The following COL21A1 variants were observed in gnomAD, a reference collection of about 807,000 sequenced individuals.
COL21A1 encodes the protein collagen alpha-1(XXI) chain.
In COL21A1, 149 loss-of-function variants were observed where a neutral mutation model predicts 137.9. The observed-to-expected ratio is 1.08, with a 90% CI of 0.95 to 1.24. The LOEUF (loss-of-function observed/expected upper bound fraction) is 1.24. Among genes scored for constraint, COL21A1 ranks in the 50% most tolerant of loss-of-function variants. COL21A1 has a pLI of 0.00. For synonymous variants in COL21A1, 456 were observed against 391.5 expected (o/e 1.16, Z -1.95); for missense variants, 1,167 against 1,158.4 (o/e 1.01, Z -0.11).
chr6:56,105,876 C>T (rs1217558572), intron 16 of COL21A1, among the ~76,000 whole-genome samples: 1 of 152,132 alleles, frequency 6.6e-6, no homozygotes, highest in Non-Finnish European at 1.5e-5. Context: ...AGCTTAAATA[C>T]CACATTTAAT....
chr6:56,121,833 A>G (rs895087018), intron 16 of COL21A1, among the ~76,000 whole-genome samples: 5 of 152,064 alleles, frequency 3.3e-5, no homozygotes, highest in Admixed American at 6.6e-5. Context: ...TTTAAACAAA[A>G]AAAGTAAATA....
At chr6:56,105,344 G>A (rs1770797574) in intron 16 of COL21A1, among the ~76,000 whole-genome samples, 1 of 152,068 alleles carries the variant, frequency 6.6e-6, no homozygotes, top group African/African-American at 2.4e-5. Flanking sequence ...GCACAGAAAG[G>A]GAGATCCACT....
chr6:56,256,635 T>C (rs1040581389), intron 1 of COL21A1, among the ~76,000 whole-genome samples: 4 of 152,084 alleles, frequency 2.6e-5, no homozygotes, highest in Non-Finnish European at 5.9e-5. Context: ...GGGTAAAATA[T>C]AGACTTAAGA....
chr6:56,314,941 A>G (rs979830264), intron 1 of COL21A1, among the ~76,000 whole-genome samples: 2 of 152,194 alleles, frequency 1.3e-5, no homozygotes, highest in Non-Finnish European at 2.9e-5. Context: ...CCTGTAGACA[A>G]GAATCTCTGG....
At chr6:56,320,518 A>AAC (rs55942460) in intron 1 of COL21A1, among the ~76,000 whole-genome samples, 3,947 of 149,572 alleles carry the variant, frequency 0.026, 59 homozygotes, top group African/African-American at 0.037. Context: ...ACACAATCTG[A>AAC]ACACACACAC....
At chr6:56,352,937 A>G (rs1472576276) in intron 1 of COL21A1, among the ~76,000 whole-genome samples, 1 of 152,114 alleles carries the variant, frequency 6.6e-6, no homozygotes, top group East Asian at 1.9e-4. Context: ...GCTACTCGGG[A>G]GGCTGAGGCA....
chr6:56,211,735 G>A (rs761827316), intron 1 of COL21A1, among the ~76,000 whole-genome samples: 3 of 151,834 alleles, frequency 2.0e-5, no homozygotes, highest in Non-Finnish European at 2.9e-5. Flanking sequence ...TATTTCACTG[G>A]GTAAGCCTCT....
At chr6:56,258,900 T>C (rs3846930) in intron 1 of COL21A1, among the ~76,000 whole-genome samples, 135,216 of 152,202 alleles carry the variant, frequency 0.89, 60,198 homozygotes, top group African/African-American at 0.93. Context: ...GATCTGTATT[T>C]GGAATATTTT....
chr6:56,201,742 A>G (rs1779422755), intron 1 of COL21A1, among the ~76,000 whole-genome samples: 1 of 152,182 alleles, frequency 6.6e-6, no homozygotes, highest in Non-Finnish European at 1.5e-5. Context: ...ACAATTAGTG[A>G]GCTCTTAATA....
chr6:56,113,407 T>C (rs1771624488), intron 16 of COL21A1, among the ~76,000 whole-genome samples: 1 of 152,170 alleles, frequency 6.6e-6, no homozygotes, highest in Non-Finnish European at 1.5e-5. Flanking sequence ...AGAGGCCCCC[T>C]TTCCAGGCCT....
At chr6:56,309,594 G>T (rs568979050) in intron 1 of COL21A1, among the ~76,000 whole-genome samples, 24 of 152,102 alleles carry the variant, frequency 1.6e-4, no homozygotes, top group African/African-American at 5.6e-4. Flanking sequence ...GTACTCCCAG[G>T]GGGGCAGTGA....
chr6:56,128,442 G>A (rs185846987), intron 12 of COL21A1, among the ~76,000 whole-genome samples: 2 of 152,252 alleles, frequency 1.3e-5, no homozygotes, highest in East Asian at 1.9e-4. Flanking sequence ...GAATCTCTCC[G>A]TGGGTAGAGT....
At chr6:56,258,417 C>T (rs1051581808) in intron 1 of COL21A1, among the ~76,000 whole-genome samples, 7 of 152,136 alleles carry the variant, frequency 4.6e-5, no homozygotes, top group African/African-American at 1.7e-4. Context: ...AACTACTCCA[C>T]TCTACCTGCA....
intron 2 of COL21A1, among the ~76,000 whole-genome samples, chr6:56,180,731 A>G (rs1777830572): frequency 6.6e-6 from 1 of 152,224 alleles, no homozygotes; most frequent in Non-Finnish European, 1.5e-5. Flanking sequence ...CTAAATGTAA[A>G]ACAAAGCATG....
At chr6:56,368,315 TA>T in intron 1 of COL21A1, among the ~76,000 whole-genome samples, 1 of 152,352 alleles carries the variant, frequency 6.6e-6, no homozygotes, top group East Asian at 1.9e-4. Flanking sequence ...ACTAGACAAA[TA>T]TAAAATTTTA....
At chr6:56,327,971 G>A (rs900743047) in intron 1 of COL21A1, among the ~76,000 whole-genome samples, 1 of 152,034 alleles carries the variant, frequency 6.6e-6, no homozygotes, top group Non-Finnish European at 1.5e-5. Flanking sequence ...ATAATAGCCT[G>A]ATTAGAAGTA....
At chr6:56,192,854 T>A (rs6459133) in intron 1 of COL21A1, among the ~76,000 whole-genome samples, 1 of 152,008 alleles carries the variant, frequency 6.6e-6, no homozygotes, top group Admixed American at 6.6e-5. Flanking sequence ...CTACTGTAGG[T>A]ACATATGCAC....
chr6:56,206,733 T>C (rs2152302563), intron 1 of COL21A1, among the ~76,000 whole-genome samples: 1 of 139,786 alleles, frequency 7.2e-6, no homozygotes, highest in Non-Finnish European at 1.5e-5. Context: ...TATATATATA[T>C]ATATTCTAAT....
intron 3 of COL21A1, among the ~76,000 whole-genome samples, chr6:56,178,659 A>T (rs1777670028): frequency 6.6e-6 from 1 of 152,064 alleles, no homozygotes; most frequent in South Asian, 2.1e-4. Flanking sequence ...AGATACAAAA[A>T]ATTACTCTCC....
Sources: gnomAD v4.1 joint callset for allele counts (sites outside exome capture counted in the v4.1 genomes callset) on GRCh38, gnomAD v4.1.1 for gene constraint, MANE v1.5 for transcripts, NCBI Gene and HGNC (gene_info 2026-07-23, HGNC 2026-07-21) for gene names.